Variants in PALM2AKAP2 observed in about 807,000 individuals in gnomAD.
PALM2AKAP2 encodes PALM2 and AKAP2 fusion, also known as PALM2-AKAP2 fusion protein.
Under a neutral mutation model 71.5 loss-of-function variants are expected in PALM2AKAP2, and 37 were observed. The observed-to-expected ratio is 0.52, with a 90% confidence interval of 0.40 to 0.68. The LOEUF is 0.68. PALM2AKAP2 is among the 30% of genes least tolerant of loss of function. The pLI is 0.00. For missense variants in PALM2AKAP2, 1,224 were observed against 1,191.8 expected (o/e 1.03, Z -0.40); for synonymous variants, 468 against 478.8 (o/e 0.98, Z 0.29).
At chr9:109,757,090 C>T (rs891724876) in intron 1 of PALM2AKAP2, among the ~76,000 whole-genome samples, 3 of 152,050 alleles carry the variant, frequency 2.0e-5, no homozygotes, top group East Asian at 1.9e-4. Context: ...TGCGCCTATT[C>T]GCCAACCACT....
intron 1 of PALM2AKAP2, chr9:110,090,107 C>T: frequency 3.8e-6 from 1 of 263,280 alleles, no homozygotes; most frequent in South Asian, 3.8e-5. Context: ...CCCTTGAAGG[C>T]TGTAACATGG....
chr9:110,048,737 C>T (rs775600280), exon 1 of PALM2AKAP2: 5 of 1,371,340 alleles, frequency 3.6e-6, no homozygotes, highest in Non-Finnish European at 4.9e-6. Flanking sequence ...GCTCGCCTTC[C>T]CCCGGAGTCT....
chr9:109,716,382 C>G (rs1828319816), intron 1 of PALM2AKAP2, among the ~76,000 whole-genome samples: 1 of 152,190 alleles, frequency 6.6e-6, no homozygotes, highest in African/African-American at 2.4e-5. Flanking sequence ...TGTCTATTGT[C>G]TGGATCCACT....
chr9:110,133,542 A>C (rs1380359321), intron 1 of PALM2AKAP2, among the ~76,000 whole-genome samples: 1 of 152,126 alleles, frequency 6.6e-6, no homozygotes, highest in Non-Finnish European at 1.5e-5. Flanking sequence ...AGTTTCCTTT[A>C]CTATTACGTT....
chr9:109,699,043 A>G (rs775354577), intron 1 of PALM2AKAP2, among the ~76,000 whole-genome samples: 4 of 152,270 alleles, frequency 2.6e-5, no homozygotes, highest in Admixed American at 6.5e-5. Flanking sequence ...AAGGCTAAAG[A>G]TGACAACTTG....
intron 1 of PALM2AKAP2, among the ~76,000 whole-genome samples, chr9:109,731,964 A>G (rs1284035799): frequency 2.0e-5 from 3 of 152,190 alleles, no homozygotes; most frequent in Non-Finnish European, 4.4e-5. Context: ...GGATGGTGCC[A>G]CAAATAACGT....
At chr9:109,906,777 C>T (rs141376254) in intron 3 of PALM2AKAP2, among the ~76,000 whole-genome samples, 600 of 152,320 alleles carry the variant, frequency 3.9e-3, no homozygotes, top group African/African-American at 0.014. Flanking sequence ...TAGAACATAG[C>T]CAATCCTATC....
intron 5 of PALM2AKAP2, among the ~76,000 whole-genome samples, chr9:109,928,425 T>G (rs1054124871): frequency 2.0e-5 from 3 of 152,190 alleles, no homozygotes; most frequent in Non-Finnish European, 4.4e-5. Flanking sequence ...CCACCTTCTC[T>G]GTCAGTGGGG....
At chr9:110,027,949 C>A (rs1300637698) in intron 7 of PALM2AKAP2, among the ~76,000 whole-genome samples, 1 of 152,088 alleles carries the variant, frequency 6.6e-6, no homozygotes, top group Admixed American at 6.5e-5. Context: ...GACAGAAAAC[C>A]TTTCTACATT....
chr9:110,059,433 C>T lies in PALM2AKAP2; in HGVS notation c.156+10578C>T, dbSNP rs138627784. On this transcript the variant is annotated intron_variant, in intron 1 of 3. Transcript: ENST00000374525. ...TTGGTACTAGAATAGTCATTTTCTA[C>T]TACTTTTTCATGGACATTATCCTTG... is the stretch of plus-strand genomic sequence containing the variant. 3.2e-3 allele frequency among the ~76,000 whole-genome samples: 485 copies of T among 152,310 alleles called. 1 individual carries two copies. The highest frequency in any genetic ancestry group is 6.5e-3 in the Admixed American group (100 of 15,298).
intron 1 of PALM2AKAP2, among the ~76,000 whole-genome samples, chr9:109,689,200 C>CTT (rs200092612): frequency 2.2e-5 from 3 of 134,144 alleles, no homozygotes; most frequent in East Asian, 2.1e-4. Flanking sequence ...TTTTTCTTTT[C>CTT]TTTTTTTTTT....
chr9:109,755,216 C>T (rs574455527), intron 1 of PALM2AKAP2, among the ~76,000 whole-genome samples: 32 of 152,178 alleles, frequency 2.1e-4, no homozygotes, highest in Non-Finnish European at 4.3e-4. Flanking sequence ...CTTCCCTGCT[C>T]ACACTCCTCC....
chr9:109,707,819 T>C lies in PALM2AKAP2; in HGVS notation c.5+66953T>C, dbSNP rs1176475933. On this transcript the variant is annotated intron_variant, in intron 1 of 6. Transcript: ENST00000374531. Reference sequence around the variant, plus strand: ...GATCTTTCTTTAGATTCTGTAAGCATTTACTTATTTAGTGACTACTTTGTG... The same window carrying C: ...GATCTTTCTTTAGATTCTGTAAGCACTTACTTATTTAGTGACTACTTTGTG... Among the ~76,000 whole-genome samples, 7 of 152,188 alleles carry C rather than the reference T, an allele frequency of 4.6e-5. No individual in the cohort carries two copies. The East Asian group carries it at 1.3e-3, about 29-fold the overall frequency.
At chr9:109,703,070 C>T (rs1162131165) in intron 1 of PALM2AKAP2, among the ~76,000 whole-genome samples, 1 of 152,094 alleles carries the variant, frequency 6.6e-6, no homozygotes, top group African/African-American at 2.4e-5. Flanking sequence ...CTGCCCGCCT[C>T]GGCCTCTCAA....
At chr9:109,958,773 C>T (rs1831795715) in intron 6 of PALM2AKAP2, among the ~76,000 whole-genome samples, 1 of 152,126 alleles carries the variant, frequency 6.6e-6, no homozygotes, top group South Asian at 2.1e-4. Context: ...GCTGAAGTCC[C>T]TGGCCTTTAG....
chr9:109,687,942 G>A (rs1178389240), intron 1 of PALM2AKAP2, among the ~76,000 whole-genome samples: 1 of 152,212 alleles, frequency 6.6e-6, no homozygotes, highest in Non-Finnish European at 1.5e-5. Flanking sequence ...TCAGGAAATA[G>A]AGAGGCTTAA....
chr9:110,043,425 G>A (rs2132468101), intron 7 of PALM2AKAP2, among the ~76,000 whole-genome samples: 1 of 152,156 alleles, frequency 6.6e-6, no homozygotes, highest in East Asian at 1.9e-4. Flanking sequence ...TGAATTGCAG[G>A]TGCAAGTGTA....
upstream of PALM2AKAP2, chr9:109,780,362 C>G: frequency 6.3e-7 from 1 of 1,578,798 alleles, no homozygotes; most frequent in Admixed American, 1.7e-5. Flanking sequence ...GGAGCGGATC[C>G]CCAGCCGTCC....
At chr9:109,839,959 A>C (rs1349765113) in intron 1 of PALM2AKAP2, among the ~76,000 whole-genome samples, 1 of 152,240 alleles carries the variant, frequency 6.6e-6, no homozygotes, top group Non-Finnish European at 1.5e-5. Context: ...TTATAGATTC[A>C]ATGCCATCCC....
Sources: allele counts gnomAD v4.1 joint callset (sites outside exome capture counted in the v4.1 genomes callset), GRCh38; gene constraint gnomAD v4.1.1; transcripts MANE v1.5; gene names NCBI Gene and HGNC (gene_info 2026-07-23, HGNC 2026-07-21).